The following LMTK3 variants were observed in gnomAD, a reference collection of about 807,000 sequenced individuals.
LMTK3 encodes lemur tail kinase 3, also known as serine/threonine-protein kinase LMTK3.
In LMTK3, 27 loss-of-function variants were observed where a neutral mutation model predicts 116.7. The ratio of observed to expected loss-of-function variants is 0.23; its 90% CI spans 0.17 to 0.32. The LOEUF is 0.32. Among genes scored for constraint, LMTK3 ranks in the 10% least tolerant of loss-of-function variants. The pLI is 1.00. For synonymous variants in LMTK3, 965 were observed against 971.0 expected (o/e 0.99, Z 0.11); for missense variants, 1,764 against 2,068.5 (o/e 0.85, Z 2.86).
Position 48,502,456 on chromosome 19 carries a change from C to A in LMTK3, c.771G>T (p.Leu257=). 1.9e-6 allele frequency: 3 copies of A among 1,610,898 alleles called. No individual in the cohort carries two copies. The highest frequency in any genetic ancestry group is 2.5e-6 in the Non-Finnish European group (3 of 1,179,070). ...ACCTGTGCACGTAGTTGTGGGAATG[C>A]AGGTGCGCCAGCCCGCGGGCGATCT... The part of the protein sequence containing the change: ...GLEIARGLAH[L]HSHNYVHSDL... The change falls in exon 7 of 15, where the codon CTG becomes CTT. Residue 257 remains leucine (L), a synonymous_variant. Coordinates refer to ENST00000600059, the MANE Select transcript of LMTK3 (RefSeq NM_001388485.1).
In LMTK3 at chr19:48,492,882, A is replaced by T. The variant is rs1392600954; in HGVS notation, c.4092+812T>A. On this transcript the variant is annotated intron_variant, in intron 12 of 14. Transcript: ENST00000600059. ...CCGTCACAAGCCCTGCCCTCACCCTAGGTCCCGCCCCAGCTCTAGGCTCGG... is the reference window on the plus strand; with the variant it reads ...CCGTCACAAGCCCTGCCCTCACCCTTGGTCCCGCCCCAGCTCTAGGCTCGG... Among the ~76,000 whole-genome samples, 3 of 151,200 alleles carry T rather than the reference A, an allele frequency of 2.0e-5. No individual in the cohort carries two copies. The South Asian group carries it at 6.3e-4, about 32-fold the overall frequency.
intron 7 of LMTK3, among the ~76,000 whole-genome samples, chr19:48,502,095 C>T (rs1439067376): frequency 4.3e-5 from 5 of 117,164 alleles, no homozygotes; most frequent in Non-Finnish European, 9.2e-5. Context: ...CTGGCTCCTC[C>T]TCCCCCTCTC....
Position 48,511,608 on chromosome 19 carries a change from T to A in LMTK3, c.-32A>T. The A allele has an allele frequency of 2.5e-5, 4 of 159,228 alleles. No individual in the cohort carries two copies. Among genetic ancestry groups the A allele is most frequent in the Non-Finnish European group, 4.4e-5 (4 of 90,102 alleles). The allele number at this position is 159,228 out of a possible 1,614,324, so 9.9% of individuals were successfully genotyped here. A position where few individuals can be genotyped will look rare whatever the true frequency, so the allele number is the denominator to read the frequency against. On this transcript the variant is annotated 5_prime_UTR_variant, in exon 1 of 15. Transcript: ENST00000600059. ...GAGGATGGCAGGGAGGTGGAGGTGG[T>A]GGCGGCTGGGGAGGAGGGGGGGGCG...
Position 48,498,867 on chromosome 19 carries a change from G to T in LMTK3, c.2202C>A (p.Asp734Glu). The change falls in exon 11 of 15, where the codon GAC becomes GAA. Residue 734 changes from aspartate (D) to glutamate (E), a missense_variant. By Grantham distance (45) the Asp-to-Glu change is conservative. Transcript: ENST00000600059. ...GGGGCGCCGCCGCCCCCATGAGGGG[G>T]TCCAGAAACTCGGGGGGGGCCGAGG... ...PPASAPPEFL[D>E]PLMGAAAPQY... is the part of the protein sequence containing the mutation. 1 of 1,190,340 alleles carries T rather than the reference G, an allele frequency of 8.4e-7. No homozygotes were observed. The highest frequency in any genetic ancestry group is 1.1e-6 in the Non-Finnish European group (1 of 937,274). 73.7% of individuals were successfully genotyped at this position (1,190,340 alleles called of 1,614,324 possible). A position where few individuals can be genotyped will look rare whatever the true frequency, so the allele number is the denominator to read the frequency against.
chr19:48,501,442 C>T (rs1158114071), intron 8 of LMTK3, 36 bp downstream of exon 8: 2 of 1,612,374 alleles, frequency 1.2e-6, no homozygotes, highest in Non-Finnish European at 1.7e-6. Context: ...GGTCAGGGCA[C>T]CCCACAGCCC....
intron 11 of LMTK3, among the ~76,000 whole-genome samples, chr19:48,495,986 G>A (rs1972315621): frequency 6.6e-6 from 1 of 152,246 alleles, no homozygotes; most frequent in Non-Finnish European, 1.5e-5. Flanking sequence ...GTCAGGGCAA[G>A]ATCTGAAGCT....
chr19:48,501,033 C>T lies in LMTK3; in HGVS notation c.1114G>A (p.Ala372Thr). The T allele has an allele frequency of 1.3e-6, 2 of 1,540,164 alleles. No individual in the cohort carries two copies. The highest frequency in any genetic ancestry group is 4.8e-5 in the East Asian group (2 of 42,084). Residue 372 changes from alanine to threonine, a missense_variant, in exon 10 of 15, where the codon GCC becomes ACC. Physicochemically the swap from Ala to Thr is moderately conservative, Grantham distance 58. Around this residue, in one of 7 missense-constraint regions of LMTK3, gnomAD observed 271 missense variants for 478.2 expected, o/e 0.57. Coordinates refer to ENST00000600059, the MANE Select transcript of LMTK3 (RefSeq NM_001388485.1). ...TAAGGCAGCTTGAGCCTCGGCCGGG[C>T]CAGCTTCACATGCTGCTGGCGGACC... is the stretch of plus-strand genomic sequence containing the variant. ...FVVRQQHVKL[A>T]RPRLKLPYAD...
chr19:48,493,038 C>T (rs1165704708), intron 12 of LMTK3, among the ~76,000 whole-genome samples: 2 of 150,484 alleles, frequency 1.3e-5, no homozygotes, highest in African/African-American at 2.5e-5. Context: ...TCAGGCCCTT[C>T]CCGCGCCCTG....
At chr19:48,508,724 G>T in intron 5 of LMTK3, 127 bp downstream of exon 5, 1 of 768,462 alleles carries the variant, frequency 1.3e-6, no homozygotes, top group Non-Finnish European at 2.3e-6. Flanking sequence ...GGTTCAGGGA[G>T]GGAAGTTCTC....
At position 48,494,197 on chromosome 19, in the gene LMTK3, C is replaced by T; in HGVS notation, c.3677-88G>A. 1.3e-6 allele frequency: 1 copy of T among 798,844 alleles called. No homozygotes were observed. The highest frequency in any genetic ancestry group is 6.4e-5 in the East Asian group (1 of 15,662). 49.5% of individuals were successfully genotyped at this position (798,844 alleles called of 1,614,324 possible). A position where few individuals can be genotyped will look rare whatever the true frequency, so the allele number is the denominator to read the frequency against. ...AGCTGTGTGGCCTCAGATAAGACCC[C>T]CGCACAATCTGGGCCTCAGCACCCA... On this transcript the variant is annotated intron_variant, in intron 11 of 14. Coordinates refer to ENST00000600059, the MANE Select transcript of LMTK3 (RefSeq NM_001388485.1). The surrounding 1 kb of genome is among the most constrained non-coding windows in gnomAD (Gnocchi z 4.0).
At chr19:48,496,385 G>A (rs1013326873) in intron 11 of LMTK3, among the ~76,000 whole-genome samples, 6 of 149,878 alleles carry the variant, frequency 4.0e-5, no homozygotes, top group African/African-American at 9.9e-5. Flanking sequence ...TGCAAACTCC[G>A]CCTCCTGGCT....
Position 48,485,768 on chromosome 19 carries a change from G to T in LMTK3, c.*5C>A. ...AGGGTGCAGCGGGGTCGGGTCTTCG[G>T]GGAATCAATTCTCCACGGGGCCTGA... On this transcript the variant is annotated 3_prime_UTR_variant, in exon 15 of 15. Transcript: ENST00000600059. 1 of 1,610,806 alleles carries T rather than the reference G, an allele frequency of 6.2e-7. No individual in the cohort carries two copies. The highest frequency in any genetic ancestry group is 1.1e-5 in the South Asian group (1 of 90,478).
At position 48,497,613 on chromosome 19, in the gene LMTK3, C is replaced by A; in HGVS notation, c.3456G>T (p.Pro1152=). 7.7e-7 allele frequency: 1 copy of A among 1,297,276 alleles called. No homozygotes were observed. The highest frequency in any genetic ancestry group is 2.3e-4 in the Middle Eastern group (1 of 4,346). The allele number at this position is 1,297,276 out of a possible 1,614,324, so 80.4% of individuals were successfully genotyped here. Residue 1152 remains proline (P), a synonymous_variant, in exon 11 of 15, where the codon CCG becomes CCT. Transcript: ENST00000600059. This position sits in a 1 kb window ranked among gnomAD's most constrained non-coding sequence, Gnocchi z 5.7. Reference sequence around the variant, plus strand: ...GCCTCCTCGGCTGTGCCTCCGGTGGCGGTGGCAGCGGTGGCGGCGGTGGCT... The same window carrying A: ...GCCTCCTCGGCTGTGCCTCCGGTGGAGGTGGCAGCGGTGGCGGCGGTGGCT... ...RPQPPPPPLP[P]PPEAQPRRLE...
chr19:48,503,188 C>T lies in LMTK3; in HGVS notation c.558-192G>A, dbSNP rs978176304. Among the ~76,000 whole-genome samples, 3 of 152,244 alleles carry T rather than the reference C, an allele frequency of 2.0e-5. 1 individual carries two copies. Among genetic ancestry groups the T allele is most frequent in the Non-Finnish European group, 4.4e-5 (3 of 68,048 alleles). Reference sequence around the variant, plus strand: ...TCAGCCTCCTGAGTAGCCAGGATTACAGGCATGCGCCACCACGCCTGGCTA... The same window carrying T: ...TCAGCCTCCTGAGTAGCCAGGATTATAGGCATGCGCCACCACGCCTGGCTA... On this transcript the variant is annotated intron_variant, in intron 5 of 14. Transcript: ENST00000600059.
Position 48,499,015 on chromosome 19 carries a change from CG to C in LMTK3, c.2053del (p.Arg685GlyfsTer5). 1 of 1,441,102 alleles carries C rather than the reference CG, an allele frequency of 6.9e-7. No individual in the cohort carries two copies. The highest frequency in any genetic ancestry group is 9.1e-7 in the Non-Finnish European group (1 of 1,095,664). The allele number at this position is 1,441,102 out of a possible 1,614,324, so 89.3% of individuals were successfully genotyped here. On this transcript the variant is annotated frameshift_variant, in exon 11 of 15. Coordinates refer to ENST00000600059, the MANE Select transcript of LMTK3 (RefSeq NM_001388485.1). LOFTEE classifies it high-confidence loss of function. ...EGACSCLPLE[R>X]GDAVAGWGGH... The stretch of plus-strand genomic sequence containing the variant: ...TCCCCAGCCTGCTACGGCGTCCCCC[CG>C]CTCCAGTGGCAGGCAGGAGCAGGCC...
chr19:48,511,545 G>T lies in LMTK3; in HGVS notation c.32C>A (p.Ala11Glu), dbSNP rs866768131. The T allele has an allele frequency of 7.0e-7, 1 of 1,438,340 alleles. No homozygotes were observed. The allele number at this position is 1,438,340 out of a possible 1,614,324, so 89.1% of individuals were successfully genotyped here. ...CAGGCAGCCGGAGGCGGAGACGGCC[G>T]CAAGGAGGATGAGGGCGCCGGGGGC... MPAPGALILL[A>E]AVSASGCLAS... Residue 11 changes from alanine (A) to glutamate (E), a missense_variant, in exon 1 of 15, where the codon GCG becomes GAG. Transcript: ENST00000600059.
intron 5 of LMTK3, among the ~76,000 whole-genome samples, chr19:48,508,170 G>C (rs142465964): frequency 6.6e-6 from 1 of 152,148 alleles, no homozygotes; most frequent in Non-Finnish European, 1.5e-5. Flanking sequence ...CGCAGGGCCT[G>C]TGGGCTGTCA....
At position 48,497,732 on chromosome 19, in the gene LMTK3, C is replaced by T. The variant is rs1411352104; in HGVS notation, c.3337G>A (p.Gly1113Ser). 16 of 1,340,152 alleles carry T rather than the reference C, an allele frequency of 1.2e-5. No individual in the cohort carries two copies. The highest frequency in any genetic ancestry group is 3.7e-5 in the Admixed American group (1 of 27,302). The allele number at this position is 1,340,152 out of a possible 1,614,324, so 83.0% of individuals were successfully genotyped here. A position where few individuals can be genotyped will look rare whatever the true frequency, so the allele number is the denominator to read the frequency against. Reference protein sequence around the residue: ...GAGRLDLGSGGRAPVGTGTAP... With the variant: ...GAGRLDLGSGSRAPVGTGTAP... The stretch of plus-strand genomic sequence containing the variant: ...GTCCCCGTGCCCACTGGGGCTCGGC[C>T]CCCACTCCCGAGGTCCAGCCTCCCA... The change falls in exon 11 of 15, where the codon GGC becomes AGC. Residue 1113 changes from glycine (G) to serine (S), a missense_variant. Physicochemically the swap from Gly to Ser is moderately conservative, Grantham distance 56 (BLOSUM62 0). This residue lies in a region of LMTK3 where 1,028 missense variants were observed against 1,050.6 expected (regional missense o/e 0.98). Transcript: ENST00000600059. The surrounding 1 kb of genome is among the most constrained non-coding windows in gnomAD (Gnocchi z 5.7).
intron 5 of LMTK3, among the ~76,000 whole-genome samples, chr19:48,507,349 C>T (rs1972587591): frequency 1.3e-5 from 2 of 152,198 alleles, no homozygotes; most frequent in African/African-American, 2.4e-5. Context: ...GGGATTTGAT[C>T]TCAGGTCTGT....
Sources: gnomAD v4.1 joint callset for allele counts (sites outside exome capture counted in the v4.1 genomes callset) on GRCh38, gnomAD v4.1.1 for gene constraint, gnomAD v4.1.1 regional missense constraint, Gnocchi (gnomAD v3.1) non-coding constraint, MANE v1.5 for transcripts, NCBI Gene and HGNC (gene_info 2026-07-23, HGNC 2026-07-21) for gene names.